ACOT7: variants seen among roughly 807,000 people sequenced by gnomAD.
ACOT7 encodes the protein acyl-CoA thioesterase 7.
In ACOT7, 12 loss-of-function variants were observed where a neutral mutation model predicts 40.2. The observed-to-expected ratio is 0.30, with a 90% CI of 0.19 to 0.48. The LOEUF (loss-of-function observed/expected upper bound fraction) is 0.48. Ranked by LOEUF, ACOT7 falls within the 20% of genes least tolerant of loss-of-function variation. The pLI, the probability that ACOT7 is intolerant of heterozygous loss-of-function variation, is 0.99. For synonymous variants in ACOT7, 228 were observed against 219.5 expected (o/e 1.04, Z -0.34); for missense variants, 395 against 530.8 (o/e 0.74, Z 2.51).
chr1:6,367,153 C>T (rs1294469916), intron 1 of ACOT7, among the ~76,000 whole-genome samples: 2 of 149,480 alleles, frequency 1.3e-5, no homozygotes, highest in Non-Finnish European at 3.0e-5. Flanking sequence ...GAGCTGAGAT[C>T]GCACCACTGC....
chr1:6,285,966 A>G (rs1639492773), intron 7 of ACOT7, among the ~76,000 whole-genome samples: 1 of 152,174 alleles, frequency 6.6e-6, no homozygotes, highest in Non-Finnish European at 1.5e-5. Context: ...CCATCCGAGG[A>G]AGGGGAGAGA....
intron 5 of ACOT7, among the ~76,000 whole-genome samples, chr1:6,319,200 CT>C (rs571238323): frequency 2.2e-4 from 34 of 152,312 alleles, no homozygotes; most frequent in African/African-American, 7.9e-4. Context: ...GTAGACCTTT[CT>C]TTTTTTCTTG....
At position 6,275,724 on chromosome 1, in the gene ACOT7, A is replaced by G. The variant is rs1323290389; in HGVS notation, c.1014+5378T>C. 6.6e-6 allele frequency among the ~76,000 whole-genome samples: 1 copy of G among 150,848 alleles called. No homozygotes were observed. Among genetic ancestry groups the G allele is most frequent in the African/African-American group, 2.4e-5 (1 of 40,970 alleles). On this transcript the variant is annotated intron_variant, in intron 8 of 8. Transcript: ENST00000361521. This position sits in a 1 kb window ranked among gnomAD's most constrained non-coding sequence, Gnocchi z 5.6. ...AGAGTGAGGCTCCGTCTCAAAAAAA[A>G]AAAAAAAAAAAAAAAAAGATGGCCG...
intron 1 of ACOT7, among the ~76,000 whole-genome samples, chr1:6,361,071 T>C (rs4908547): frequency 0.072 from 10,891 of 152,196 alleles, 477 homozygotes; most frequent in Non-Finnish European, 0.097. Context: ...CACCCAAGGA[T>C]GGAAACAACC....
At chr1:6,343,219 C>T (rs1440673636) in intron 2 of ACOT7, among the ~76,000 whole-genome samples, 2 of 152,174 alleles carry the variant, frequency 1.3e-5, no homozygotes, top group African/African-American at 2.4e-5. Context: ...CTGGTGTGTG[C>T]GTCTGTGCTC....
chr1:6,360,343 T>C (rs940327901), intron 1 of ACOT7, among the ~76,000 whole-genome samples: 1 of 152,126 alleles, frequency 6.6e-6, no homozygotes, highest in South Asian at 2.1e-4. Flanking sequence ...AAATGCCCCC[T>C]GAGCCCTCCC....
At chr1:6,283,087 C>G (rs986341481) in intron 7 of ACOT7, among the ~76,000 whole-genome samples, 1 of 151,836 alleles carries the variant, frequency 6.6e-6, no homozygotes, top group African/African-American at 2.4e-5. Context: ...CGGGGGCCAC[C>G]CATGAGCGTG....
intron 1 of ACOT7, among the ~76,000 whole-genome samples, chr1:6,364,792 G>A (rs1374446510): frequency 6.9e-6 from 1 of 144,786 alleles, no homozygotes; most frequent in Non-Finnish European, 1.5e-5. Flanking sequence ...AGGTTGCAGT[G>A]AGCCAAGATC....
chr1:6,305,300 T>C (rs916857504), intron 6 of ACOT7, among the ~76,000 whole-genome samples: 18 of 115,876 alleles, frequency 1.6e-4, no homozygotes, highest in South Asian at 2.8e-4. Flanking sequence ...GCAGAGGGGC[T>C]CCTCACTTCC....
chr1:6,310,250 G>C (rs1381715639), intron 6 of ACOT7, among the ~76,000 whole-genome samples: 1 of 152,238 alleles, frequency 6.6e-6, no homozygotes, highest in Non-Finnish European at 1.5e-5. Flanking sequence ...GGAAGAGGGT[G>C]AGGGCAGACC....
At chr1:6,309,421 C>T (rs1640268995) in intron 6 of ACOT7, among the ~76,000 whole-genome samples, 1 of 152,130 alleles carries the variant, frequency 6.6e-6, no homozygotes, top group South Asian at 2.1e-4. Flanking sequence ...CTGCTCCTGC[C>T]CTGAGTCTTT....
chr1:6,393,531 C>T lies in ACOT7; in HGVS notation c.-132G>A, dbSNP rs1460635650. 1.4e-5 allele frequency: 12 copies of T among 833,722 alleles called. No individual in the cohort carries two copies. The highest frequency in any genetic ancestry group is 4.7e-6 in the Non-Finnish European group (3 of 635,730). The allele number at this position is 833,722 out of a possible 1,614,324, so 51.6% of individuals were successfully genotyped here. A position where few individuals can be genotyped will look rare whatever the true frequency, so the allele number is the denominator to read the frequency against. On this transcript the variant is annotated 5_prime_UTR_variant, in exon 1 of 9. Coordinates refer to ENST00000361521, the MANE Select transcript of ACOT7 (RefSeq NM_007274.4). ...CCACCCCGAGCCCCGCCTCCCAGGC[C>T]GCCAAGGCTGCAGAGAGCTCGCGCG...
At chr1:6,362,276 C>T in intron 1 of ACOT7, among the ~76,000 whole-genome samples, 1 of 151,904 alleles carries the variant, frequency 6.6e-6, no homozygotes, top group East Asian at 1.9e-4. Context: ...ACTAAAACTA[C>T]AAAAATTAGC....
chr1:6,389,578 G>A (rs921478459), intron 1 of ACOT7, among the ~76,000 whole-genome samples: 8 of 151,842 alleles, frequency 5.3e-5, no homozygotes, highest in Admixed American at 1.3e-4. Context: ...TGTTCCCTTC[G>A]TGACCAGCCT....
Position 6,327,421 on chromosome 1 carries a change from A to C in ACOT7, c.511-8T>G. On this transcript the variant is annotated splice_polypyrimidine_tract_variant and splice_region_variant and intron_variant, in intron 4 of 8. Coordinates refer to ENST00000361521, the MANE Select transcript of ACOT7 (RefSeq NM_007274.4). ...CTGCTCCTGCCGGGAATACTGCGAG[A>C]AACCAAAGACAGGTCAGGCCCAGGC... The C allele has an allele frequency of 6.2e-7, 1 of 1,613,982 alleles. No homozygotes were observed. The highest frequency in any genetic ancestry group is 8.5e-7 in the Non-Finnish European group (1 of 1,179,954).
intron 3 of ACOT7, 151 bp downstream of exon 3, chr1:6,339,282 T>C: frequency 3.6e-6 from 4 of 1,108,742 alleles, no homozygotes; most frequent in Non-Finnish European, 5.1e-6. Context: ...GCAATGGACA[T>C]AGCTGCTCCC....
chr1:6,385,808 G>GCCTGGGC (rs1642429330), intron 1 of ACOT7: 1 of 1,415,258 alleles, frequency 7.1e-7, no homozygotes, highest in Non-Finnish European at 9.2e-7. Context: ...GCTCCTCCTA[G>GCCTGGGC]GACCGCCCCT....
Position 6,393,480 on chromosome 1 carries a change from G to C in ACOT7, c.-81C>G. 2 of 1,161,312 alleles carry C rather than the reference G, an allele frequency of 1.7e-6. No individual in the cohort carries two copies. The highest frequency in any genetic ancestry group is 6.8e-5 in the East Asian group (2 of 29,240). The allele number at this position is 1,161,312 out of a possible 1,614,324, so 71.9% of individuals were successfully genotyped here. A position where few individuals can be genotyped will look rare whatever the true frequency, so the allele number is the denominator to read the frequency against. Reference sequence around the variant, plus strand: ...GGGGGCAATCGAACGCGGCCTCCCCGCGCCGACCCCGCCCCCGCGCCGGCC... The same window carrying C: ...GGGGGCAATCGAACGCGGCCTCCCCCCGCCGACCCCGCCCCCGCGCCGGCC... On this transcript the variant is annotated 5_prime_UTR_variant, in exon 1 of 9. Transcript: ENST00000361521.
intron 1 of ACOT7, among the ~76,000 whole-genome samples, chr1:6,357,870 CTT>C (rs148990897): frequency 1.4e-4 from 20 of 143,594 alleles, no homozygotes; most frequent in Admixed American, 2.8e-4. Context: ...TGCTTCTCCT[CTT>C]TTTTTTTTTT....
Sources: gnomAD v4.1 joint callset for allele counts (sites outside exome capture counted in the v4.1 genomes callset) on GRCh38, gnomAD v4.1.1 for gene constraint, Gnocchi (gnomAD v3.1) non-coding constraint, MANE v1.5 for transcripts, NCBI Gene and HGNC (gene_info 2026-07-23, HGNC 2026-07-21) for gene names.